Variants in DNAH2 observed in about 807,000 individuals in gnomAD.
The protein encoded by DNAH2 is dynein axonemal heavy chain 2, also known as axonemal beta dynein heavy chain 2.
A neutral mutation model predicts 523.5 loss-of-function variants in DNAH2; 323 were observed. That is an observed-to-expected ratio of 0.62 (90% CI 0.56 to 0.68). DNAH2 has a LOEUF of 0.68. Ranked by LOEUF, DNAH2 falls within the 30% of genes least tolerant of loss-of-function variation. DNAH2 has a pLI of 0.00. For missense variants in DNAH2, 4,907 were observed against 5,701.5 expected (o/e 0.86, Z 4.49); for synonymous variants, 2,093 against 2,177.4 (o/e 0.96, Z 1.08).
chr17:7,760,596 T>C lies in DNAH2; in HGVS notation c.2786-144T>C, dbSNP rs2075978777. On this transcript the variant is annotated intron_variant, in intron 17 of 85. Coordinates refer to ENST00000572933, the MANE Select transcript of DNAH2 (RefSeq NM_020877.5). This position sits in a 1 kb window ranked among gnomAD's most constrained non-coding sequence, Gnocchi z 4.0. The stretch of plus-strand genomic sequence containing the variant: ...CACATTTTCACTTTCTGCCTACTCC[T>C]TTACCTTCTAATGTGCATGTTTGAG... 2.7e-6 allele frequency: 2 copies of C among 732,116 alleles called. No homozygotes were observed. The highest frequency in any genetic ancestry group is 1.8e-5 in the African/African-American group (1 of 56,184). 45.4% of individuals were successfully genotyped at this position (732,116 alleles called of 1,614,324 possible).
chr17:7,789,580 T>TC (rs2076839553), intron 44 of DNAH2, among the ~76,000 whole-genome samples: 2 of 39,930 alleles, frequency 5.0e-5, no homozygotes, highest in Admixed American at 7.4e-4. Context: ...AGGAATACTC[T>TC]TTTTTTTTTT....
chr17:7,825,179 G>T (rs1395829170), intron 77 of DNAH2, among the ~76,000 whole-genome samples: 1 of 152,032 alleles, frequency 6.6e-6, no homozygotes, highest in Non-Finnish European at 1.5e-5. Context: ...CTGCCTCTTT[G>T]CCTTTCCTTT....
chr17:7,759,225 A>G, intron 15 of DNAH2, 101 bp downstream of exon 15: 1 of 1,525,662 alleles, frequency 6.6e-7, no homozygotes, highest in Non-Finnish European at 8.8e-7. Flanking sequence ...CTTTTTTACC[A>G]GTGTGTACTT....
chr17:7,782,326 C>T (rs368799732), intron 39 of DNAH2, among the ~76,000 whole-genome samples: 23 of 152,086 alleles, frequency 1.5e-4, no homozygotes, highest in African/African-American at 4.8e-4. Flanking sequence ...AGAAAAAGAC[C>T]AAATTTTCTT....
Position 7,781,074 on chromosome 17 carries a change from C to A in DNAH2, c.6036C>A (p.Ile2012=). The stretch of plus-strand genomic sequence containing the variant: ...TGCTCTCAATGAGAGATATGAACAT[C>A]GCCAAGCTCACTTCAGTTGATGCAC... ...VLLLSMRDMN[I]AKLTSVDAPL... Residue 2012 remains isoleucine (I), a synonymous_variant, in exon 39 of 86, where the codon ATC becomes ATA. Coordinates refer to ENST00000572933, the MANE Select transcript of DNAH2 (RefSeq NM_020877.5). 1.2e-6 allele frequency: 2 copies of A among 1,614,226 alleles called. No individual in the cohort carries two copies. The highest frequency in any genetic ancestry group is 1.7e-6 in the Non-Finnish European group (2 of 1,180,048).
chr17:7,814,121 C>T (rs1237067855), intron 63 of DNAH2, among the ~76,000 whole-genome samples: 1 of 150,412 alleles, frequency 6.6e-6, no homozygotes, highest in Non-Finnish European at 1.5e-5. Context: ...GAAGACTTCC[C>T]CTTAACCGGG....
In DNAH2 at chr17:7,817,638, C is replaced by A. The variant is rs1263304866; in HGVS notation, c.10098C>A (p.Asp3366Glu). Residue 3366 changes from aspartate (D) to glutamate (E), a missense_variant, in exon 66 of 86, where the codon GAC becomes GAA. This residue lies in a region of DNAH2 where 1,851 missense variants were observed against 2,139.4 expected (regional missense o/e 0.87). Coordinates refer to ENST00000572933, the MANE Select transcript of DNAH2 (RefSeq NM_020877.5). ...TGTGCAATCCTACCAAAGTCCGGGA[C>A]TGGAACATCCAAGGGTTGCCCTCAG... is the stretch of plus-strand genomic sequence containing the variant. ...NFLCNPTKVR[D>E]WNIQGLPSDA... The A allele has an allele frequency of 6.2e-7, 1 of 1,614,166 alleles. No homozygotes were observed. Among genetic ancestry groups the A allele is most frequent in the South Asian group, 1.1e-5 (1 of 91,090 alleles).
At position 7,766,332 on chromosome 17, in the gene DNAH2, A is replaced by C. The variant is rs1034084961; in HGVS notation, c.3526A>C (p.Asn1176His). The part of the protein sequence containing the change: ...DFEFKGHFTS[N>H]VGYMSALDQI... ...ATCCTCCACAGGCCATTTCACCAGC[A>C]ACGTGGGATACATGTCTGCCTTAGA... The change falls in exon 22 of 86, where the codon AAC (asparagine) becomes CAC (histidine). Residue 1176 changes from asparagine (N) to histidine (H), a missense_variant. Asn to His is a moderately conservative substitution (Grantham distance 68, BLOSUM62 1). Around this residue, in one of 3 missense-constraint regions of DNAH2, gnomAD observed 2,806 missense variants for 3,190.8 expected, o/e 0.88. Coordinates refer to ENST00000572933, the MANE Select transcript of DNAH2 (RefSeq NM_020877.5). 1.9e-5 allele frequency: 31 copies of C among 1,613,498 alleles called. No individual in the cohort carries two copies. The highest frequency in any genetic ancestry group is 2.7e-5 in the African/African-American group (2 of 74,878).
In DNAH2 at chr17:7,754,984, A is replaced by C; in HGVS notation, c.1905-2107A>C. 10 of 408,860 alleles carry C rather than the reference A, an allele frequency of 2.4e-5. No individual in the cohort carries two copies. Among genetic ancestry groups the C allele is most frequent in the South Asian group, 6.7e-5 (1 of 14,958 alleles). The allele number at this position is 408,860 out of a possible 1,614,324, so 25.3% of individuals were successfully genotyped here. A position where few individuals can be genotyped will look rare whatever the true frequency, so the allele number is the denominator to read the frequency against. On this transcript the variant is annotated intron_variant, in intron 12 of 85. Transcript: ENST00000572933. This position sits in a 1 kb window ranked among gnomAD's most constrained non-coding sequence, Gnocchi z 4.6. ...TGAGGCAGAAAAAAAAAAAAAAAGA[A>C]TAGGCAGCCCAGGAAGAAGGGTTAG...
chr17:7,755,675 T>C (rs1414081976), intron 12 of DNAH2, among the ~76,000 whole-genome samples: 1 of 151,858 alleles, frequency 6.6e-6, no homozygotes, highest in African/African-American at 2.4e-5. Flanking sequence ...CGTGGAGCGG[T>C]TGTGAACAGC....
In DNAH2 at chr17:7,722,750, C is replaced by G. The variant is rs140561056; in HGVS notation, c.167-878C>G. Among the ~76,000 whole-genome samples, 53 of 152,250 alleles carry G rather than the reference C, an allele frequency of 3.5e-4. No individual in the cohort carries two copies. In the East Asian group the frequency reaches 8.3e-3, roughly 24 times the overall value. On this transcript the variant is annotated intron_variant, in intron 2 of 85. Transcript: ENST00000572933. ...CTGATGGCTGAATAATAGCCCACTG[C>G]ATGTTTATATCACCTTTTGTTTATC...
chr17:7,748,440 C>T (rs996617422), intron 12 of DNAH2, among the ~76,000 whole-genome samples: 3 of 152,196 alleles, frequency 2.0e-5, no homozygotes, highest in Non-Finnish European at 4.4e-5. Flanking sequence ...TGCCTGACCA[C>T]TTGTTTGGAG....
At chr17:7,799,649 T>C (rs1303438028) in intron 56 of DNAH2, among the ~76,000 whole-genome samples, 1 of 152,058 alleles carries the variant, frequency 6.6e-6, no homozygotes, top group Non-Finnish European at 1.5e-5. Flanking sequence ...ACCCCGTCTC[T>C]ACTAAAAATA....
rs2077394938 is a variant in DNAH2, at chr17:7,807,364, T to C, written c.9612+45T>C. 6.3e-7 allele frequency: 1 copy of C among 1,599,754 alleles called. No homozygotes were observed. Reference sequence around the variant, plus strand: ...GGCGGGGCGGTAGGGAGGGCAGGCCTGGGGGAGTGCGGATGCACAGACCCA... The same window carrying C: ...GGCGGGGCGGTAGGGAGGGCAGGCCCGGGGGAGTGCGGATGCACAGACCCA... On this transcript the variant is annotated intron_variant, in intron 62 of 85. Transcript: ENST00000572933. This position sits in a 1 kb window ranked among gnomAD's most constrained non-coding sequence, Gnocchi z 5.6.
chr17:7,796,859 G>A (rs1050726152), intron 50 of DNAH2, among the ~76,000 whole-genome samples: 4 of 148,264 alleles, frequency 2.7e-5, no homozygotes, highest in Admixed American at 6.9e-5. Flanking sequence ...GGAGGCCAAC[G>A]CAGGCAGATC....
chr17:7,794,430 G>A (rs2151279549), intron 49 of DNAH2, 72 bp downstream of exon 49: 1 of 1,400,902 alleles, frequency 7.1e-7, no homozygotes, highest in Non-Finnish European at 9.8e-7. Context: ...AGAGAAGCAG[G>A]GGCCAGATCC....
At chr17:7,775,117 C>G (rs776645983) in intron 29 of DNAH2, 124 bp from the exon 30 acceptor site, 28 of 1,272,572 alleles carry the variant, frequency 2.2e-5, no homozygotes, top group Non-Finnish European at 2.4e-5. Context: ...GATAGAACTT[C>G]TTAGAATTGG....
In DNAH2 at chr17:7,766,489, G is replaced by A; in HGVS notation, c.3675+8G>A. On this transcript the variant is annotated splice_region_variant and intron_variant, in intron 22 of 85. Coordinates refer to ENST00000572933, the MANE Select transcript of DNAH2 (RefSeq NM_020877.5). ...CTTCAGAACCTGGAGAAGGTGGTGT[G>A]CTGAGCAAGGACCCTGTGGTCACTG... 6.2e-7 allele frequency: 1 copy of A among 1,613,500 alleles called. No homozygotes were observed. Among genetic ancestry groups the A allele is most frequent in the Non-Finnish European group, 8.5e-7 (1 of 1,179,762 alleles).
intron 44 of DNAH2, among the ~76,000 whole-genome samples, chr17:7,791,616 C>T (rs971553643): frequency 3.3e-5 from 5 of 152,216 alleles, no homozygotes; most frequent in Non-Finnish European, 5.9e-5. Flanking sequence ...CGGGACCTGT[C>T]TCCTGAGCAC....
Sources: allele counts gnomAD v4.1 joint callset (sites outside exome capture counted in the v4.1 genomes callset), GRCh38; gene constraint gnomAD v4.1.1; regional missense constraint gnomAD v4.1.1; non-coding constraint Gnocchi (gnomAD v3.1); transcripts MANE v1.5; gene names NCBI Gene and HGNC (gene_info 2026-07-23, HGNC 2026-07-21).